The following NFIB variants were observed in gnomAD, a reference collection of about 807,000 sequenced individuals.
The protein encoded by NFIB is nuclear factor 1 B-type.
A neutral mutation model predicts 61.5 loss-of-function variants in NFIB; 11 were observed. That is an observed-to-expected ratio of 0.18 (90% CI 0.11 to 0.30). The LOEUF is 0.30. Ranked by LOEUF, NFIB falls within the 10% of genes least tolerant of loss-of-function variation. The probability of loss-of-function intolerance (pLI) is 1.00; values close to 1 mark genes in which losing one functional copy is unlikely to be tolerated. For missense variants in NFIB, 471 were observed against 608.9 expected (o/e 0.77, Z 2.38); for synonymous variants, 260 against 216.5 (o/e 1.20, Z -1.76).
chr9:14,463,197 A>C, the NFIB span, among the ~76,000 whole-genome samples: 1 of 151,546 alleles, frequency 6.6e-6, no homozygotes, highest in Non-Finnish European at 1.5e-5. Flanking sequence ...AATTGAAATA[A>C]GCTTAATTTA....
intron 2 of NFIB, among the ~76,000 whole-genome samples, chr9:14,271,053 A>C (rs930937740): frequency 3.3e-5 from 5 of 151,956 alleles, no homozygotes; most frequent in African/African-American, 7.3e-5. Context: ...TGCATGTTTT[A>C]AGAGACCAAC....
At chr9:14,202,639 T>C (rs1255088508) in intron 2 of NFIB, among the ~76,000 whole-genome samples, 1 of 152,150 alleles carries the variant, frequency 6.6e-6, no homozygotes, top group African/African-American at 2.4e-5. Flanking sequence ...TGGAATGACA[T>C]AAAAATATCG....
chr9:14,255,418 G>T (rs1291170770), intron 2 of NFIB, among the ~76,000 whole-genome samples: 1 of 152,162 alleles, frequency 6.6e-6, no homozygotes, highest in Non-Finnish European at 1.5e-5. Context: ...ATCAATGACT[G>T]TGAGCATCTG....
At chr9:14,315,614 C>T (rs906401528), upstream of NFIB, among the ~76,000 whole-genome samples, 2 of 147,480 alleles carry the variant, frequency 1.4e-5, no homozygotes, top group African/African-American at 4.9e-5. Flanking sequence ...GCTCGGCGCC[C>T]GCGCCGGCTC....
chr9:14,258,156 T>C (rs997727001), intron 2 of NFIB, among the ~76,000 whole-genome samples: 1 of 152,246 alleles, frequency 6.6e-6, no homozygotes, highest in African/African-American at 2.4e-5. Flanking sequence ...CTGCTTATCA[T>C]CACTGAGAAC....
the NFIB span, among the ~76,000 whole-genome samples, chr9:14,525,625 A>C: frequency 3.5e-4 from 53 of 152,286 alleles, no homozygotes; most frequent in African/African-American, 1.2e-3. Flanking sequence ...AAATTAAGCT[A>C]ATGTGTAACA....
chr9:14,375,986 T>G (rs1464763312), intron 1 of NFIB, among the ~76,000 whole-genome samples: 2 of 152,228 alleles, frequency 1.3e-5, no homozygotes, highest in Non-Finnish European at 2.9e-5. Flanking sequence ...TATCTCAGAG[T>G]ACATGGCCAA....
the NFIB span, among the ~76,000 whole-genome samples, chr9:14,488,792 G>A: frequency 2.0e-5 from 3 of 152,200 alleles, no homozygotes; most frequent in African/African-American, 7.2e-5. Context: ...ATGAATACAT[G>A]ATTTGAGTGA....
chr9:14,510,538 TATAAC>T, the NFIB span, among the ~76,000 whole-genome samples: 1 of 152,370 alleles, frequency 6.6e-6, no homozygotes, highest in Non-Finnish European at 1.5e-5. Context: ...CATTTTTGCA[TATAAC>T]ATATTATAAC....
intron 1 of NFIB, among the ~76,000 whole-genome samples, chr9:14,363,796 T>C (rs1470338586): frequency 3.9e-5 from 6 of 152,162 alleles, no homozygotes; most frequent in Non-Finnish European, 8.8e-5. Context: ...AATGGGATTA[T>C]ACTCTCAACT....
At chr9:14,189,482 G>A (rs1158220683) in intron 2 of NFIB, among the ~76,000 whole-genome samples, 2 of 151,698 alleles carry the variant, frequency 1.3e-5, no homozygotes, top group African/African-American at 4.8e-5. Context: ...GAAATACTAG[G>A]AAAAAAATAA....
At chr9:14,256,642 G>C (rs1563949844) in intron 2 of NFIB, among the ~76,000 whole-genome samples, 1 of 152,188 alleles carries the variant, frequency 6.6e-6, no homozygotes, top group Non-Finnish European at 1.5e-5. Context: ...ACACTAGCTT[G>C]TTTGGCAGTC....
the NFIB span, among the ~76,000 whole-genome samples, chr9:14,451,538 A>G: frequency 2.6e-5 from 4 of 152,312 alleles, no homozygotes; most frequent in African/African-American, 7.2e-5. Context: ...AAAAAACAAA[A>G]CAAAACAAAA....
intron 1 of NFIB, among the ~76,000 whole-genome samples, chr9:14,311,795 T>G (rs1409151627): frequency 2.0e-5 from 3 of 152,232 alleles, no homozygotes; most frequent in Admixed American, 6.5e-5. Context: ...CTTTTACAGG[T>G]GAGAATAAGT....
At chr9:14,198,164 G>C (rs2048655086) in intron 2 of NFIB, among the ~76,000 whole-genome samples, 1 of 152,126 alleles carries the variant, frequency 6.6e-6, no homozygotes. Context: ...TTTGCTTTAT[G>C]AAGTATTAGA....
At chr9:14,323,402 A>G (rs928845116) in intron 1 of NFIB, among the ~76,000 whole-genome samples, 2 of 152,184 alleles carry the variant, frequency 1.3e-5, no homozygotes, top group African/African-American at 4.8e-5. Flanking sequence ...GAGTAATGCA[A>G]TTCTTTTCAT....
At chr9:14,157,443 G>A (rs1417227589) in intron 3 of NFIB, among the ~76,000 whole-genome samples, 1 of 152,192 alleles carries the variant, frequency 6.6e-6, no homozygotes, top group South Asian at 2.1e-4. Context: ...GAAGGAGTGA[G>A]AGGAAGTTGT....
chr9:14,322,608 G>A (rs1023422065), intron 1 of NFIB, among the ~76,000 whole-genome samples: 5 of 152,140 alleles, frequency 3.3e-5, no homozygotes, highest in East Asian at 2.0e-4. Context: ...CGGCCGGCCT[G>A]GGCGCGCGGG....
chr9:14,493,581 A>G, the NFIB span, among the ~76,000 whole-genome samples: 5 of 152,152 alleles, frequency 3.3e-5, no homozygotes, highest in South Asian at 8.3e-4. Flanking sequence ...AGGATGTCAT[A>G]ATTGCTTCAT....
Sources: allele counts gnomAD v4.1 joint callset (sites outside exome capture counted in the v4.1 genomes callset), GRCh38; gene constraint gnomAD v4.1.1; transcripts MANE v1.5; gene names NCBI Gene and HGNC (gene_info 2026-07-23, HGNC 2026-07-21).